DYM: variants seen among roughly 807,000 people sequenced by gnomAD.
DYM encodes the protein dyggve-Melchior-Clausen syndrome protein.
A neutral mutation model predicts 93.1 loss-of-function variants in DYM; 78 were observed. That is an observed-to-expected ratio of 0.84 (90% CI 0.70 to 1.01). DYM has a LOEUF of 1.01. Among genes scored for constraint, DYM ranks in the 50% least tolerant of loss-of-function variants. The probability of loss-of-function intolerance (pLI) is 0.00; values close to 1 mark genes in which losing one functional copy is unlikely to be tolerated. For missense variants in DYM, 789 were observed against 845.0 expected (o/e 0.93, Z 0.82); for synonymous variants, 321 against 319.7 (o/e 1.00, Z -0.04).
At chr18:49,327,633 G>A (rs573450000) in intron 8 of DYM, among the ~76,000 whole-genome samples, 4 of 152,062 alleles carry the variant, frequency 2.6e-5, no homozygotes, top group Admixed American at 6.6e-5. Flanking sequence ...CTGGGATTAC[G>A]GACATGAGCC....
At chr18:49,363,059 A>G in intron 6 of DYM, 102 bp downstream of exon 6, 2 of 883,452 alleles carry the variant, frequency 2.3e-6, no homozygotes, top group South Asian at 2.7e-5. Context: ...AAAGGCACAC[A>G]TATAAGTTCT....
At chr18:49,294,908 G>A (rs1437247410) in intron 8 of DYM, among the ~76,000 whole-genome samples, 1 of 152,114 alleles carries the variant, frequency 6.6e-6, no homozygotes, top group Non-Finnish European at 1.5e-5. Flanking sequence ...GAATTAAGGA[G>A]AAGGCAGGTC....
intron 13 of DYM, among the ~76,000 whole-genome samples, chr18:49,234,773 T>C (rs541783070): frequency 5.3e-5 from 8 of 152,304 alleles, no homozygotes; most frequent in African/African-American, 1.9e-4. Flanking sequence ...TATCCAAATA[T>C]GCACAATCTA....
chr18:49,436,134 T>C (rs1325719021), intron 1 of DYM, among the ~76,000 whole-genome samples: 1 of 152,168 alleles, frequency 6.6e-6, no homozygotes, highest in Non-Finnish European at 1.5e-5. Flanking sequence ...CGCCTTAGCC[T>C]TCTGAGTAGG....
chr18:49,205,379 T>C (rs1256325082), intron 14 of DYM, among the ~76,000 whole-genome samples: 1 of 152,186 alleles, frequency 6.6e-6, no homozygotes, highest in Non-Finnish European at 1.5e-5. Context: ...TAATTCTATA[T>C]GAGTCAAGGT....
At chr18:49,457,081 C>T (rs898222434) in intron 1 of DYM, among the ~76,000 whole-genome samples, 1 of 152,214 alleles carries the variant, frequency 6.6e-6, no homozygotes, top group Admixed American at 6.5e-5. Flanking sequence ...TCACTCTGCT[C>T]TTCTAGGCTC....
intron 16 of DYM, among the ~76,000 whole-genome samples, chr18:49,102,558 C>T (rs942357140): frequency 3.3e-5 from 5 of 152,206 alleles, no homozygotes; most frequent in African/African-American, 1.2e-4. Flanking sequence ...AAATGCTATC[C>T]GTCCCCTCTC....
intron 16 of DYM, among the ~76,000 whole-genome samples, chr18:49,103,483 T>C (rs2080415472): frequency 6.6e-6 from 1 of 152,244 alleles, no homozygotes; most frequent in African/African-American, 2.4e-5. Context: ...ATGAAGTCCT[T>C]GCCTATGTCT....
chr18:49,440,394 ATAT>A (rs1222305754), intron 1 of DYM, among the ~76,000 whole-genome samples: 9 of 122,486 alleles, frequency 7.3e-5, no homozygotes, highest in Non-Finnish European at 1.3e-4. Flanking sequence ...ATGATATATA[ATAT>A]AGCATATTAT....
intron 17 of DYM, among the ~76,000 whole-genome samples, chr18:49,063,918 G>A (rs966114918): frequency 3.9e-5 from 6 of 152,072 alleles, no homozygotes; most frequent in South Asian, 2.1e-4. Context: ...TGTGAGCCAC[G>A]GTGCCTGGCT....
At chr18:49,088,270 C>A (rs1313645230) in intron 17 of DYM, among the ~76,000 whole-genome samples, 6 of 152,100 alleles carry the variant, frequency 3.9e-5, no homozygotes, top group Non-Finnish European at 8.8e-5. Flanking sequence ...AGTCTTTAAT[C>A]CATCTTGAAT....
chr18:49,223,435 C>T (rs1289050875), intron 13 of DYM, among the ~76,000 whole-genome samples: 4 of 152,050 alleles, frequency 2.6e-5, no homozygotes, highest in East Asian at 1.9e-4. Flanking sequence ...TGCCTCTGCT[C>T]GACTGAAAAA....
At chr18:49,107,089 G>A (rs1244557214) in intron 16 of DYM, among the ~76,000 whole-genome samples, 1 of 152,152 alleles carries the variant, frequency 6.6e-6, no homozygotes, top group East Asian at 1.9e-4. Context: ...ATATTTCTTG[G>A]AGGCTTTGTT....
chr18:49,418,261 A>G (rs1035736243), intron 2 of DYM, among the ~76,000 whole-genome samples: 1 of 152,152 alleles, frequency 6.6e-6, no homozygotes, highest in Non-Finnish European at 1.5e-5. Context: ...CCTATGAACC[A>G]AAAAATAATA....
At chr18:49,299,984 A>G (rs1199194178) in intron 8 of DYM, among the ~76,000 whole-genome samples, 2 of 149,608 alleles carry the variant, frequency 1.3e-5, no homozygotes, top group South Asian at 4.2e-4. Flanking sequence ...TGGAGCTTGC[A>G]GTGAGCCGAG....
At chr18:49,115,627 A>C (rs1451911517) in intron 16 of DYM, among the ~76,000 whole-genome samples, 1 of 152,230 alleles carries the variant, frequency 6.6e-6, no homozygotes, top group Non-Finnish European at 1.5e-5. Flanking sequence ...TAGAAACATG[A>C]AGACTGAAAA....
intron 13 of DYM, among the ~76,000 whole-genome samples, chr18:49,230,125 G>T (rs987763509): frequency 6.6e-6 from 1 of 152,032 alleles, no homozygotes; most frequent in Non-Finnish European, 1.5e-5. Context: ...TCACTATGGT[G>T]GTAAATACAT....
intron 15 of DYM, among the ~76,000 whole-genome samples, chr18:49,141,703 T>C (rs1011396957): frequency 3.3e-5 from 5 of 152,188 alleles, no homozygotes; most frequent in Non-Finnish European, 5.9e-5. Context: ...TCTCTTGCAT[T>C]ATGTCCCTGT....
chr18:49,164,591 G>A (rs1298070622), intron 14 of DYM, among the ~76,000 whole-genome samples: 2 of 152,196 alleles, frequency 1.3e-5, no homozygotes, highest in African/African-American at 4.8e-5. Context: ...CTAGAGAGGA[G>A]AGAATTTCCA....
Sources: allele counts gnomAD v4.1 joint callset (sites outside exome capture counted in the v4.1 genomes callset), GRCh38; gene constraint gnomAD v4.1.1; transcripts MANE v1.5; gene names NCBI Gene and HGNC (gene_info 2026-07-23, HGNC 2026-07-21).